The following APC variants were observed in gnomAD, a reference collection of about 807,000 sequenced individuals.
The protein encoded by APC is adenomatous polyposis coli protein.
In APC, 72 loss-of-function variants were observed where a neutral mutation model predicts 247.0. That is an observed-to-expected ratio of 0.29 (90% CI 0.24 to 0.35). The LOEUF is 0.35. Ranked by LOEUF, APC falls within the 10% of genes least tolerant of loss-of-function variation. APC has a pLI of 1.00. For missense variants in APC, 3,400 were observed against 3,360.7 expected (o/e 1.01, Z -0.29); for synonymous variants, 1,254 against 1,162.5 (o/e 1.08, Z -1.60).
chr5:112,742,589 G>A (rs1049886824), intron 1 of APC, among the ~76,000 whole-genome samples: 1 of 152,144 alleles, frequency 6.6e-6, no homozygotes, highest in South Asian at 2.1e-4. Flanking sequence ...TTTTTCATTG[G>A]CTATTGGCAA....
intron 4 of APC, among the ~76,000 whole-genome samples, chr5:112,768,130 G>T (rs534188357): frequency 1.4e-5 from 2 of 145,718 alleles, no homozygotes; most frequent in Admixed American, 1.4e-4. Context: ...TGCAACCTCT[G>T]CCTCCCAGGT....
At position 112,841,605 on chromosome 5, in the gene APC, C is replaced by CTT. The variant is rs1561604514; in HGVS notation, c.6011_6012insTT (p.Ser2005TyrfsTer40). 1 of 1,613,414 alleles carries CTT rather than the reference C, an allele frequency of 6.2e-7. No individual in the cohort carries two copies. Among genetic ancestry groups the CTT allele is most frequent in the Non-Finnish European group, 8.5e-7 (1 of 1,179,374 alleles). Reference sequence around the variant, plus strand: ...CAGGGAGAACCAAGTAAACCTCAAGCATCAGGCTATGCTCCTAAATCATTT... The same window carrying CTT: ...CAGGGAGAACCAAGTAAACCTCAAGCTTATCAGGCTATGCTCCTAAATCATTT... On this transcript the variant is annotated frameshift_variant, in exon 16 of 16. Transcript: ENST00000257430. LOFTEE classifies it high-confidence loss of function. This position sits in a 1 kb window ranked among gnomAD's most constrained non-coding sequence, Gnocchi z 4.6.
chr5:112,802,176 A>T (rs558997840), intron 8 of APC, among the ~76,000 whole-genome samples: 1 of 152,228 alleles, frequency 6.6e-6, no homozygotes, highest in African/African-American at 2.4e-5. Context: ...TAGTCTCTCT[A>T]GGTTACTTTT....
chr5:112,762,207 A>T (rs1194581785), intron 2 of APC, among the ~76,000 whole-genome samples: 2 of 152,220 alleles, frequency 1.3e-5, no homozygotes, highest in African/African-American at 4.8e-5. Context: ...CAAATGACTG[A>T]TGTTTAAAAG....
intron 7 of APC, among the ~76,000 whole-genome samples, chr5:112,793,472 C>G (rs897437760): frequency 2.9e-5 from 4 of 137,600 alleles, no homozygotes; most frequent in Non-Finnish European, 6.3e-5. Context: ...GTGACTAACC[C>G]AAGAAAAAAA....
intron 1 of APC, among the ~76,000 whole-genome samples, chr5:112,743,751 C>G (rs1182769966): frequency 6.6e-6 from 1 of 152,176 alleles, no homozygotes; most frequent in African/African-American, 2.4e-5. Flanking sequence ...GAAACTTGAT[C>G]TGTCATTGTC....
Position 112,842,004 on chromosome 5 carries a change from C to G in APC, c.6410C>G (p.Ser2137Cys), listed in dbSNP as rs1554087411. 6.2e-7 allele frequency: 1 copy of G among 1,613,120 alleles called. No individual in the cohort carries two copies. Among genetic ancestry groups the G allele is most frequent in the East Asian group, 2.2e-5 (1 of 44,866 alleles). ...QASSDSDSIL[S>C]LKSGISLGSP... ...TCGTCTGATTCAGATTCCATCCTTT[C>G]CCTGAAATCAGGAATCTCTCTGGGA... Residue 2137 changes from serine to cysteine, a missense_variant, in exon 16 of 16, where the codon TCC becomes TGC. Transcript: ENST00000257430.
chr5:112,711,416 A>G (rs1374203056), intron 1 of APC, among the ~76,000 whole-genome samples: 6 of 152,208 alleles, frequency 3.9e-5, no homozygotes, highest in African/African-American at 1.4e-4. Flanking sequence ...GCTGCCTTAG[A>G]TCAGTTGTGA....
chr5:112,720,149 T>C (rs1287922557), intron 1 of APC, among the ~76,000 whole-genome samples: 1 of 152,192 alleles, frequency 6.6e-6, no homozygotes, highest in African/African-American at 2.4e-5. Context: ...CCAATATATT[T>C]TTCCTGTATA....
intron 7 of APC, among the ~76,000 whole-genome samples, chr5:112,795,281 C>T (rs757689754): frequency 3.3e-5 from 5 of 152,200 alleles, no homozygotes; most frequent in Non-Finnish European, 5.9e-5. Context: ...CCGCCTCGGC[C>T]TCCCAAAGTG....
intron 1 of APC, among the ~76,000 whole-genome samples, chr5:112,753,713 G>C (rs79575641): frequency 6.6e-6 from 1 of 152,056 alleles, no homozygotes; most frequent in Admixed American, 6.6e-5. Context: ...ATTTCCTTTG[G>C]TAGAGTCTTC....
rs115277995 is a variant in APC at position 112,744,464 on chromosome 5, A to G, written c.-19+6539A>G. 1.2e-3 allele frequency among the ~76,000 whole-genome samples: 183 copies of G among 152,338 alleles called. 1 individual carries two copies. Among genetic ancestry groups the G allele is most frequent in the African/African-American group, 4.3e-3 (180 of 41,580 alleles). On this transcript the variant is annotated intron_variant, in intron 1 of 15. Transcript: ENST00000257430. ...TATAGACCTTGTCTTCAAGATATTT[A>G]TGCTCCAGCTGGGAAGACAAAACAC...
In APC at chr5:112,839,007, A is replaced by G. The variant is rs748002967; in HGVS notation, c.3413A>G (p.Asp1138Gly). 6.2e-7 allele frequency: 1 copy of G among 1,614,190 alleles called. No homozygotes were observed. The highest frequency in any genetic ancestry group is 1.1e-5 in the South Asian group (1 of 91,082). The change falls in exon 16 of 16, where the codon GAT (aspartate) becomes GGT (glycine). Residue 1138 changes from aspartate to glycine, a missense_variant. Coordinates refer to ENST00000257430, the MANE Select transcript of APC (RefSeq NM_000038.6). The surrounding 1 kb of genome is among the most constrained non-coding windows in gnomAD (Gnocchi z 5.0). ...SLCQEDDYED[D>G]KPTNYSERYS... ...TGTCAAGAAGATGACTATGAAGATG[A>G]TAAGCCTACCAATTATAGTGAACGT... is the stretch of plus-strand genomic sequence containing the variant.
intron 11 of APC, among the ~76,000 whole-genome samples, chr5:112,825,708 A>C (rs1763590907): frequency 6.6e-6 from 1 of 152,210 alleles, no homozygotes; most frequent in South Asian, 2.1e-4. Context: ...AATAAAAAGA[A>C]AGATACACAT....
At chr5:112,814,979 T>C (rs997038507) in intron 8 of APC, among the ~76,000 whole-genome samples, 1 of 152,252 alleles carries the variant, frequency 6.6e-6, no homozygotes, top group Non-Finnish European at 1.5e-5. Context: ...CAGTGTTTTG[T>C]TCATTCTTCT....
intron 4 of APC, among the ~76,000 whole-genome samples, chr5:112,769,746 TA>T (rs1205646024): frequency 6.6e-6 from 1 of 152,198 alleles, no homozygotes; most frequent in African/African-American, 2.4e-5. Flanking sequence ...TGAATATTAG[TA>T]TATAGGAAAT....
At chr5:112,713,233 G>T (rs1051436819) in intron 1 of APC, among the ~76,000 whole-genome samples, 1 of 151,032 alleles carries the variant, frequency 6.6e-6, no homozygotes, top group African/African-American at 2.4e-5. Flanking sequence ...TCCATGGTTA[G>T]TTTAGCTGTG....
intron 8 of APC, among the ~76,000 whole-genome samples, chr5:112,805,659 A>G (rs764751257): frequency 1.4e-4 from 22 of 152,224 alleles, no homozygotes; most frequent in African/African-American, 1.7e-4. Context: ...AATAGGATCT[A>G]TACACATGAT....
chr5:112,802,290 A>C (rs1280163685), intron 8 of APC, among the ~76,000 whole-genome samples: 1 of 152,166 alleles, frequency 6.6e-6, no homozygotes, highest in South Asian at 2.1e-4. Context: ...TAAAACAAAC[A>C]TACTTCATTC....
Sources: allele counts gnomAD v4.1 joint callset (sites outside exome capture counted in the v4.1 genomes callset), GRCh38; gene constraint gnomAD v4.1.1; non-coding constraint Gnocchi (gnomAD v3.1); transcripts MANE v1.5; gene names NCBI Gene and HGNC (gene_info 2026-07-23, HGNC 2026-07-21).